Variants in ARID3A observed in about 807,000 individuals in gnomAD.
ARID3A encodes AT-rich interactive domain-containing protein 3A.
In ARID3A, 11 loss-of-function variants were observed where a neutral mutation model predicts 52.7. That is an observed-to-expected ratio of 0.21 (90% CI 0.13 to 0.35). ARID3A has a LOEUF of 0.35. Ranked by LOEUF, ARID3A falls within the 10% of genes least tolerant of loss-of-function variation. ARID3A has a pLI of 1.00. For missense variants in ARID3A, 721 were observed against 838.5 expected (o/e 0.86, Z 1.73); for synonymous variants, 404 against 359.4 (o/e 1.12, Z -1.40).
At chr19:955,023 T>A (rs1207114709) in intron 3 of ARID3A, among the ~76,000 whole-genome samples, 1 of 151,922 alleles carries the variant, frequency 6.6e-6, no homozygotes, top group Non-Finnish European at 1.5e-5. Flanking sequence ...CTCCTGTGGG[T>A]GTGTGGTGGG....
chr19:951,999 G>A (rs979242530), intron 3 of ARID3A, among the ~76,000 whole-genome samples: 3 of 152,122 alleles, frequency 2.0e-5, no homozygotes, highest in Non-Finnish European at 4.4e-5. Context: ...AAATTAGCCA[G>A]GTGTGGTGGC....
At chr19:968,644 A>T in intron 8 of ARID3A, 141 bp downstream of exon 8, 1 of 697,254 alleles carries the variant, frequency 1.4e-6, no homozygotes, top group Non-Finnish European at 2.5e-6. Context: ...TTTGCAGGAC[A>T]AACAGTCAAG....
intron 4 of ARID3A, among the ~76,000 whole-genome samples, chr19:962,791 A>C (rs957362175): frequency 1.4e-4 from 21 of 152,130 alleles, no homozygotes; most frequent in Non-Finnish European, 2.5e-4. Context: ...CTGGAATGAC[A>C]GGCTTGAGCC....
At chr19:968,024 G>A (rs1172821338) in intron 7 of ARID3A, among the ~76,000 whole-genome samples, 55 of 130,210 alleles carry the variant, frequency 4.2e-4, no homozygotes, top group East Asian at 1.9e-3. Flanking sequence ...CAGCCTGGGT[G>A]ACAGAGTGAG....
intron 4 of ARID3A, among the ~76,000 whole-genome samples, chr19:962,863 C>T (rs988661379): frequency 2.6e-5 from 4 of 152,112 alleles, no homozygotes; most frequent in African/African-American, 9.7e-5. Flanking sequence ...AACTGGTGTC[C>T]CGAGTGGGGC....
rs1358788665 is a variant in ARID3A at position 966,751 on chromosome 19, GAGA to G, written c.1385_1387del (p.Lys462del). The stretch of plus-strand genomic sequence containing the variant: ...GAAGCTGGAGTCTGCAGAGCCTCCG[GAGA>G]AGAAGATGGCCCTGGTGGCCGATGA... On this transcript the variant is annotated inframe_deletion, in exon 7 of 9. Transcript: ENST00000263620. 1.2e-6 allele frequency: 2 copies of G among 1,613,272 alleles called. No individual in the cohort carries two copies. Among genetic ancestry groups the G allele is most frequent in the Non-Finnish European group, 1.7e-6 (2 of 1,179,940 alleles).
At chr19:957,700 C>A (rs116904359) in intron 3 of ARID3A, among the ~76,000 whole-genome samples, 4,964 of 152,138 alleles carry the variant, frequency 0.033, 120 homozygotes, top group Non-Finnish European at 0.047. Flanking sequence ...AAAACTTAGC[C>A]GGGTGTGATG....
rs565352850 is a variant in ARID3A, at chr19:966,627, G to T, written c.1254G>T (p.Ala418=). 6 of 1,596,602 alleles carry T rather than the reference G, an allele frequency of 3.8e-6. No homozygotes were observed. The highest frequency in any genetic ancestry group is 5.1e-6 in the Non-Finnish European group (6 of 1,167,432). The change falls in exon 7 of 9, where the codon GCG becomes GCT. Residue 418 remains alanine, a synonymous_variant. Transcript: ENST00000263620. ...TVPGRLPVSL[A]GHPVVAAQAA... ...CTGGCCGCCTGCCTGTGTCCCTGGC[G>T]GGCCACCCTGTGGTGGCAGCCCAGG...
At chr19:932,838 G>C (rs563681425) in intron 3 of ARID3A, 96 bp downstream of exon 3, 2 of 1,500,396 alleles carry the variant, frequency 1.3e-6, no homozygotes, top group Non-Finnish European at 1.8e-6. Flanking sequence ...GTGCTGAGCC[G>C]GGCGTCGAGT....
intron 3 of ARID3A, among the ~76,000 whole-genome samples, chr19:933,177 G>A (rs1210071713): frequency 1.3e-5 from 2 of 152,186 alleles, no homozygotes; most frequent in African/African-American, 2.4e-5. Flanking sequence ...GAGAGCCGTG[G>A]GGGGTTGCGG....
chr19:940,889 G>A (rs1306172523), intron 3 of ARID3A, among the ~76,000 whole-genome samples: 2 of 152,098 alleles, frequency 1.3e-5, no homozygotes. Context: ...GGCTGCTGGC[G>A]CCGGGCCAGC....
rs1417669046 is a variant in ARID3A, at chr19:968,587, AC to A, written c.1594+86del. On this transcript the variant is annotated intron_variant, in intron 8 of 8. Transcript: ENST00000263620. The stretch of plus-strand genomic sequence containing the variant: ...AGGACCCTGAGTTGCGCCTGGTCCC[AC>A]CTGCTTGAACCTAGGTGTGCGGGCG... 27 of 1,288,570 alleles carry A rather than the reference AC, an allele frequency of 2.1e-5. No homozygotes were observed. In the East Asian group the frequency reaches 6.2e-4, roughly 30 times the overall value. 79.8% of individuals were successfully genotyped at this position (1,288,570 alleles called of 1,614,324 possible). A position where few individuals can be genotyped will look rare whatever the true frequency, so the allele number is the denominator to read the frequency against.
intron 3 of ARID3A, among the ~76,000 whole-genome samples, chr19:949,280 C>T (rs1024297549): frequency 5.9e-5 from 9 of 152,082 alleles, no homozygotes; most frequent in Non-Finnish European, 8.8e-5. Context: ...GGGGAGGTGC[C>T]AAGGCCCCCA....
intron 3 of ARID3A, among the ~76,000 whole-genome samples, chr19:951,981 T>A (rs186227370): frequency 0.016 from 2,316 of 148,836 alleles, 48 homozygotes; most frequent in African/African-American, 0.05. Flanking sequence ...GCAAAAAATT[T>A]AAAAAAAAAA....
rs1354737290 is a variant in ARID3A at position 960,991 on chromosome 19, G to A, written c.766+827G>A. Among the ~76,000 whole-genome samples the A allele has an allele frequency of 6.6e-6, 1 of 152,100 alleles. No individual in the cohort carries two copies. The highest frequency in any genetic ancestry group is 1.5e-5 in the Non-Finnish European group (1 of 68,008). ...AGTGACCACGGGGCAGAGAGAGTGC[G>A]GCAAGGGCTTCCGTCTCGCCTCCAA... On this transcript the variant is annotated intron_variant, in intron 4 of 8. Coordinates refer to ENST00000263620, the MANE Select transcript of ARID3A (RefSeq NM_005224.3). The surrounding 1 kb of genome is among the most constrained non-coding windows in gnomAD (Gnocchi z 4.3).
chr19:959,736 G>A lies in ARID3A; in HGVS notation c.694-356G>A, dbSNP rs1230821634. Among the ~76,000 whole-genome samples, 4 of 151,824 alleles carry A rather than the reference G, an allele frequency of 2.6e-5. No individual in the cohort carries two copies. Among genetic ancestry groups the A allele is most frequent in the East Asian group, 3.9e-4 (2 of 5,122 alleles). On this transcript the variant is annotated intron_variant, in intron 3 of 8. Coordinates refer to ENST00000263620, the MANE Select transcript of ARID3A (RefSeq NM_005224.3). The surrounding 1 kb of genome is among the most constrained non-coding windows in gnomAD (Gnocchi z 5.0). ...GAAGAGGAGAGAGAGACGGGGAGAC[G>A]GTCTTGTGGAGACGGAGGCAGAGAC...
Position 942,323 on chromosome 19 carries a change from C to G in ARID3A, c.693+9581C>G, listed in dbSNP as rs1284193707. Among the ~76,000 whole-genome samples, 4 of 152,196 alleles carry G rather than the reference C, an allele frequency of 2.6e-5. No individual in the cohort carries two copies. The highest frequency in any genetic ancestry group is 1.9e-4 in the East Asian group (1 of 5,204). On this transcript the variant is annotated intron_variant, in intron 3 of 8. Transcript: ENST00000263620. This position sits in a 1 kb window ranked among gnomAD's most constrained non-coding sequence, Gnocchi z 8.1. ...CCTGACTGGGGCGGTGGCGACATGG[C>G]CCCCGCAGCTGCCCGGCGGTGGCAC...
intron 8 of ARID3A, among the ~76,000 whole-genome samples, chr19:969,849 C>T (rs1186819504): frequency 0.012 from 1,877 of 151,254 alleles, 42 homozygotes; most frequent in African/African-American, 0.043. Context: ...TCACCACACC[C>T]AGCTAATTTT....
intron 3 of ARID3A, among the ~76,000 whole-genome samples, chr19:957,199 ATCT>A (rs1599415053): frequency 6.6e-6 from 1 of 151,174 alleles, no homozygotes; most frequent in Admixed American, 6.6e-5. Flanking sequence ...GGGCCTGGTG[ATCT>A]TCTTCCTCCC....
Sources: gnomAD v4.1 joint callset for allele counts (sites outside exome capture counted in the v4.1 genomes callset) on GRCh38, gnomAD v4.1.1 for gene constraint, Gnocchi (gnomAD v3.1) non-coding constraint, MANE v1.5 for transcripts, NCBI Gene and HGNC (gene_info 2026-07-23, HGNC 2026-07-21) for gene names.